Variants in ADGRV1 observed in about 807,000 individuals in gnomAD.
ADGRV1 encodes the protein adhesion G protein-coupled receptor V1, also known as G-protein coupled receptor 98.
A neutral mutation model predicts 596.2 loss-of-function variants in ADGRV1; 359 were observed. The ratio of observed to expected loss-of-function variants is 0.60; its 90% CI spans 0.55 to 0.66. The LOEUF is 0.66. Ranked by LOEUF, ADGRV1 falls within the 30% of genes least tolerant of loss-of-function variation. The pLI is 0.00. For missense variants in ADGRV1, 7,274 were observed against 7,575.6 expected, an observed-to-expected ratio of 0.96 and a Z score of 1.48; for synonymous variants, 2,681 against 2,679.2, an observed-to-expected ratio of 1.00 and a Z score of -0.02.
intron 75 of ADGRV1, among the ~76,000 whole-genome samples, chr5:90,818,420 T>G (rs1047150460): frequency 2.1e-5 from 3 of 144,054 alleles, no homozygotes; most frequent in African/African-American, 7.6e-5. Flanking sequence ...TTCTCCTGCC[T>G]AATTGCCCTG....
intron 1 of ADGRV1, among the ~76,000 whole-genome samples, chr5:90,587,289 C>T (rs545167413): frequency 2.2e-4 from 33 of 152,170 alleles, no homozygotes; most frequent in African/African-American, 7.7e-4. Context: ...ATTTCTTTCC[C>T]CAGATACCAG....
chr5:91,003,525 T>G (rs919521670), intron 85 of ADGRV1, among the ~76,000 whole-genome samples: 1 of 152,158 alleles, frequency 6.6e-6, no homozygotes, highest in Admixed American at 6.6e-5. Flanking sequence ...TTGACATAAT[T>G]CTGTTCAGTT....
Position 90,649,114 on chromosome 5 carries a change from C to T in ADGRV1, c.3289+1350C>T, listed in dbSNP as rs977927738. ...TGCCTCCCAGGTTCAAGTGATTCTC[C>T]TGCCTCAGCCTCCCGAGTAGCTGGG... is the stretch of plus-strand genomic sequence containing the variant. On this transcript the variant is annotated intron_variant, in intron 17 of 89. Coordinates refer to ENST00000405460, the MANE Select transcript of ADGRV1 (RefSeq NM_032119.4). 2.6e-5 allele frequency among the ~76,000 whole-genome samples: 4 copies of T among 151,970 alleles called. No homozygotes were observed. In the East Asian group the frequency reaches 7.8e-4, roughly 29 times the overall value.
At chr5:90,825,630 C>T (rs1398815790) in intron 76 of ADGRV1, among the ~76,000 whole-genome samples, 1 of 152,018 alleles carries the variant, frequency 6.6e-6, no homozygotes, top group Non-Finnish European at 1.5e-5. Flanking sequence ...AGGAGAAGAG[C>T]CATTAGGAGT....
In ADGRV1 at chr5:90,768,430, A is replaced by G. The variant is rs140908133; in HGVS notation, c.12285+4961A>G. Reference sequence around the variant, plus strand: ...TATGGCTAGTGGTATCCACTCCATCAATAATGCCCAGGTGGAAATCGTTCT... The same window carrying G: ...TATGGCTAGTGGTATCCACTCCATCGATAATGCCCAGGTGGAAATCGTTCT... On this transcript the variant is annotated intron_variant, in intron 59 of 89. Coordinates refer to ENST00000405460, the MANE Select transcript of ADGRV1 (RefSeq NM_032119.4). Among the ~76,000 whole-genome samples, 115 of 152,338 alleles carry G rather than the reference A, an allele frequency of 7.5e-4. 1 individual carries two copies. The highest frequency in any genetic ancestry group is 2.6e-3 in the African/African-American group (110 of 41,584).
intron 5 of ADGRV1, among the ~76,000 whole-genome samples, chr5:90,624,112 C>T (rs1764434822): frequency 6.6e-6 from 1 of 152,138 alleles, no homozygotes; most frequent in Admixed American, 6.6e-5. Flanking sequence ...GAGTTCTGTT[C>T]ATGCTTGTGG....
At chr5:90,727,963 T>C (rs1395770573) in intron 48 of ADGRV1, among the ~76,000 whole-genome samples, 1 of 152,230 alleles carries the variant, frequency 6.6e-6, no homozygotes, top group African/African-American at 2.4e-5. Context: ...ACTTGACTCA[T>C]TTTATACTTA....
intron 1 of ADGRV1, among the ~76,000 whole-genome samples, chr5:90,590,346 T>G (rs1328500787): frequency 1.3e-5 from 2 of 152,198 alleles, no homozygotes; most frequent in Middle Eastern, 3.2e-3. Context: ...ATCTTACTGC[T>G]TAATCATTCA....
At chr5:90,940,295 C>A (rs1343426538) in intron 83 of ADGRV1, among the ~76,000 whole-genome samples, 2 of 152,146 alleles carry the variant, frequency 1.3e-5, no homozygotes, top group Non-Finnish European at 2.9e-5. Flanking sequence ...CAAACTATTC[C>A]ACAAAGAGAA....
At chr5:90,682,349 A>G (rs977256302) in intron 27 of ADGRV1, among the ~76,000 whole-genome samples, 1 of 152,198 alleles carries the variant, frequency 6.6e-6, no homozygotes, top group African/African-American at 2.4e-5. Flanking sequence ...TCCTTGATCA[A>G]AGCAGGTCTC....
chr5:90,803,246 T>G (rs1295784044), intron 71 of ADGRV1, among the ~76,000 whole-genome samples: 2 of 152,202 alleles, frequency 1.3e-5, no homozygotes, highest in Non-Finnish European at 2.9e-5. Flanking sequence ...GGGGCGAGTT[T>G]GTCTTGATGT....
At chr5:90,583,702 G>C (rs1265677085) in intron 1 of ADGRV1, among the ~76,000 whole-genome samples, 1 of 152,104 alleles carries the variant, frequency 6.6e-6, no homozygotes, top group Non-Finnish European at 1.5e-5. Flanking sequence ...AAATCACTGT[G>C]GGTTTGAAAT....
At chr5:90,672,131 C>A (rs532100842) in intron 21 of ADGRV1, among the ~76,000 whole-genome samples, 1 of 151,200 alleles carries the variant, frequency 6.6e-6, no homozygotes, top group Admixed American at 6.6e-5. Flanking sequence ...AACCCCCACC[C>A]CATTTGGTCT....
In ADGRV1 at chr5:90,978,261, C is replaced by T. The variant is rs576575876; in HGVS notation, c.17974-7083C>T. On this transcript the variant is annotated intron_variant, in intron 84 of 89. Transcript: ENST00000405460. ...AGTGAGCCGAGATCGCGCCACTACACTCCAGACTGGGGGACAGAGCGAGAC... is the reference window on the plus strand; with the variant it reads ...AGTGAGCCGAGATCGCGCCACTACATTCCAGACTGGGGGACAGAGCGAGAC... Among the ~76,000 whole-genome samples the T allele has an allele frequency of 1.2e-4, 18 of 152,050 alleles. No individual in the cohort carries two copies. The South Asian group carries it at 3.7e-3, about 32-fold the overall frequency.
chr5:90,657,181 T>C (rs1769527650), intron 20 of ADGRV1, among the ~76,000 whole-genome samples: 2 of 150,620 alleles, frequency 1.3e-5, no homozygotes, highest in African/African-American at 4.9e-5. Context: ...GATCCTCCCA[T>C]CTAAGCACTT....
chr5:90,915,959 A>G (rs1329642508), intron 83 of ADGRV1, among the ~76,000 whole-genome samples: 1 of 152,096 alleles, frequency 6.6e-6, no homozygotes, highest in Non-Finnish European at 1.5e-5. Context: ...CCTTATATTT[A>G]AGGTGGCAGG....
intron 21 of ADGRV1, among the ~76,000 whole-genome samples, chr5:90,660,781 AGATT>A (rs1770160918): frequency 6.6e-6 from 1 of 152,238 alleles, no homozygotes; most frequent in Non-Finnish European, 1.5e-5. Flanking sequence ...CCTTTTTCAT[AGATT>A]AATATGACAT....
At chr5:90,791,374 T>A (rs1301078751) in intron 70 of ADGRV1, 28 bp downstream of exon 70, 1 of 1,479,378 alleles carries the variant, frequency 6.8e-7, no homozygotes, top group South Asian at 1.3e-5. Context: ...AGTTTCCTGA[T>A]CATTCCAATA....
chr5:90,995,375 T>A (rs559192308), intron 85 of ADGRV1, among the ~76,000 whole-genome samples: 3 of 152,262 alleles, frequency 2.0e-5, no homozygotes, highest in South Asian at 2.1e-4. Context: ...TCCCCAAACC[T>A]CCTCCCCTAT....
Sources: allele counts gnomAD v4.1 joint callset (sites outside exome capture counted in the v4.1 genomes callset), GRCh38; gene constraint gnomAD v4.1.1; transcripts MANE v1.5; gene names NCBI Gene and HGNC (gene_info 2026-07-23, HGNC 2026-07-21).